The following MELK variants were observed in gnomAD, a reference collection of about 807,000 sequenced individuals.
The protein encoded by MELK is pEg3 kinase.
A neutral mutation model predicts 85.0 loss-of-function variants in MELK; 81 were observed. The observed-to-expected ratio is 0.95, with a 90% CI of 0.80 to 1.15. The LOEUF is 1.15. MELK is among the 50% of genes most tolerant of loss of function. MELK has a pLI of 0.00. For missense variants in MELK, 754 were observed against 777.5 expected (o/e 0.97, Z 0.36); for synonymous variants, 252 against 265.0 (o/e 0.95, Z 0.48).
intron 15 of MELK, 61 bp downstream of exon 15, chr9:36,669,467 A>G: frequency 5.9e-6 from 7 of 1,177,296 alleles, no homozygotes; most frequent in Non-Finnish European, 8.4e-6. Flanking sequence ...TTCCTTTTTC[A>G]TGTATTAATA....
chr9:36,604,063 G>A (rs769826369), intron 7 of MELK, among the ~76,000 whole-genome samples: 1 of 151,434 alleles, frequency 6.6e-6, no homozygotes, highest in African/African-American at 2.4e-5. Flanking sequence ...TCTGCCTCCC[G>A]AGTTCAAGCG....
At chr9:36,579,008 A>G (rs1265922208) in intron 1 of MELK, among the ~76,000 whole-genome samples, 1 of 146,824 alleles carries the variant, frequency 6.8e-6, no homozygotes, top group Non-Finnish European at 1.5e-5. Flanking sequence ...AGGCCTGGCT[A>G]ATTTATTTAT....
intron 1 of MELK, among the ~76,000 whole-genome samples, chr9:36,580,135 C>T (rs1002283409): frequency 6.6e-6 from 1 of 150,966 alleles, no homozygotes; most frequent in Non-Finnish European, 1.5e-5. Context: ...GCAACCTCTG[C>T]CTCCTGCCTC....
chr9:36,660,656 A>G (rs984887223), intron 13 of MELK, among the ~76,000 whole-genome samples: 2 of 151,246 alleles, frequency 1.3e-5, no homozygotes, highest in African/African-American at 2.4e-5. Context: ...TGCTGGGGAA[A>G]AGGCTGTTCA....
At chr9:36,584,396 C>T (rs1410725074) in intron 3 of MELK, among the ~76,000 whole-genome samples, 2 of 148,386 alleles carry the variant, frequency 1.3e-5, no homozygotes, top group Admixed American at 6.8e-5. Context: ...TGGCTCACGG[C>T]GACCTCCGCC....
At chr9:36,624,549 T>C (rs1057371195) in intron 8 of MELK, among the ~76,000 whole-genome samples, 1 of 152,190 alleles carries the variant, frequency 6.6e-6, no homozygotes, top group African/African-American at 2.4e-5. Context: ...TCTTTCTGGA[T>C]AGGATTGCTT....
At chr9:36,660,406 C>G (rs759034007) in intron 13 of MELK, among the ~76,000 whole-genome samples, 9 of 152,082 alleles carry the variant, frequency 5.9e-5, no homozygotes, top group African/African-American at 2.2e-4. Flanking sequence ...CAGCCTCGAC[C>G]TCCTGGGCTT....
chr9:36,587,894 T>G (rs192955008), intron 3 of MELK, among the ~76,000 whole-genome samples: 430 of 152,022 alleles, frequency 2.8e-3, no homozygotes, highest in Middle Eastern at 0.017. Flanking sequence ...TTCAAGTAGC[T>G]GGGATTACAG....
At chr9:36,614,084 G>A (rs539770247) in intron 8 of MELK, among the ~76,000 whole-genome samples, 1 of 150,814 alleles carries the variant, frequency 6.6e-6, no homozygotes, top group East Asian at 1.9e-4. Context: ...TAAAAAGTGG[G>A]TAGATACTAG....
In MELK at chr9:36,677,496, T is replaced by A; in HGVS notation, c.*159T>A. On this transcript the variant is annotated 3_prime_UTR_variant, in exon 18 of 18. Transcript: ENST00000298048. ...TCTCTTTGTTTTTAAACAAAAGATATTATTTTGTGTATGAATCTAAATCAA... is the reference window on the plus strand; with the variant it reads ...TCTCTTTGTTTTTAAACAAAAGATAATATTTTGTGTATGAATCTAAATCAA... The A allele has an allele frequency of 3.4e-6, 2 of 587,248 alleles. No individual in the cohort carries two copies. Among genetic ancestry groups the A allele is most frequent in the Non-Finnish European group, 5.5e-6 (2 of 366,364 alleles). The allele number at this position is 587,248 out of a possible 1,614,324, so 36.4% of individuals were successfully genotyped here. A position where few individuals can be genotyped will look rare whatever the true frequency, so the allele number is the denominator to read the frequency against.
chr9:36,618,924 G>A (rs1275498832), intron 8 of MELK, among the ~76,000 whole-genome samples: 1 of 151,434 alleles, frequency 6.6e-6, no homozygotes. Flanking sequence ...TTTGAAGACC[G>A]CCAGTCAAGA....
At chr9:36,619,351 G>T (rs528716375) in intron 8 of MELK, among the ~76,000 whole-genome samples, 1 of 152,156 alleles carries the variant, frequency 6.6e-6, no homozygotes, top group East Asian at 1.9e-4. Flanking sequence ...TATTCTACCT[G>T]GAAATTACTT....
At chr9:36,628,480 C>T (rs967844510) in intron 8 of MELK, among the ~76,000 whole-genome samples, 11 of 151,800 alleles carry the variant, frequency 7.2e-5, no homozygotes, top group Admixed American at 7.2e-4. Context: ...AGTGCAGTGG[C>T]GTAATCTCAG....
rs117813831 is a variant in MELK, at chr9:36,607,821, A to G, written c.666+148A>G. On this transcript the variant is annotated intron_variant, in intron 8 of 17. Coordinates refer to ENST00000298048, the MANE Select transcript of MELK (RefSeq NM_014791.4). ...CTTAGTTATTCTTTGGGAGTGGTTA[A>G]GGAGTGGGCTTCTGTTCTGTTTCTT... The G allele has an allele frequency of 1.7e-3, 1,070 of 644,156 alleles. 3 individuals carry two copies. Among genetic ancestry groups the G allele is most frequent in the Non-Finnish European group, 2.4e-3 (877 of 372,660 alleles). The allele number at this position is 644,156 out of a possible 1,614,324, so 39.9% of individuals were successfully genotyped here. A position where few individuals can be genotyped will look rare whatever the true frequency, so the allele number is the denominator to read the frequency against.
At chr9:36,645,986 G>T (rs1830183905) in intron 11 of MELK, among the ~76,000 whole-genome samples, 1 of 152,188 alleles carries the variant, frequency 6.6e-6, no homozygotes, top group Admixed American at 6.5e-5. Flanking sequence ...AACCAGGAGT[G>T]ATTTTGGCAC....
intron 8 of MELK, among the ~76,000 whole-genome samples, chr9:36,616,800 C>T (rs1470454438): frequency 6.8e-6 from 1 of 147,116 alleles, no homozygotes; most frequent in Non-Finnish European, 1.5e-5. Context: ...TATATATTTT[C>T]TCTTTCTGCT....
At chr9:36,633,302 A>G (rs891280689) in intron 10 of MELK, 102 bp downstream of exon 10, 3 of 780,152 alleles carry the variant, frequency 3.8e-6, no homozygotes, top group African/African-American at 1.8e-5. Context: ...AAGAAAATAT[A>G]TTAATCAGAT....
intron 6 of MELK, among the ~76,000 whole-genome samples, chr9:36,598,029 GT>G (rs1291945592): frequency 1.3e-5 from 2 of 152,134 alleles, no homozygotes; most frequent in East Asian, 3.8e-4. Flanking sequence ...TCCCATAACT[GT>G]TTCCTGCCCT....
chr9:36,629,362 T>A (rs1374048530), intron 8 of MELK, among the ~76,000 whole-genome samples: 2 of 152,192 alleles, frequency 1.3e-5, no homozygotes, highest in Non-Finnish European at 2.9e-5. Context: ...TAAAGAGATA[T>A]TCTATCATGT....
Sources: allele counts gnomAD v4.1 joint callset (sites outside exome capture counted in the v4.1 genomes callset), GRCh38; gene constraint gnomAD v4.1.1; transcripts MANE v1.5; gene names NCBI Gene and HGNC (gene_info 2026-07-23, HGNC 2026-07-21).